The following TAX1BP1 variants were observed in gnomAD, a reference collection of about 807,000 sequenced individuals.
TAX1BP1 encodes Tax1 binding protein 1, also known as tax1-binding protein 1.
Under a neutral mutation model 97.7 loss-of-function variants are expected in TAX1BP1, and 62 were observed. The observed-to-expected ratio is 0.63, with a 90% confidence interval of 0.52 to 0.78. The LOEUF (loss-of-function observed/expected upper bound fraction) is 0.78. TAX1BP1 is among the 30% of genes least tolerant of loss of function. The probability of loss-of-function intolerance (pLI) is 0.00; values close to 1 mark genes in which losing one functional copy is unlikely to be tolerated. For missense variants in TAX1BP1, 867 were observed against 916.1 expected, an observed-to-expected ratio of 0.95 and a Z score of 0.69; for synonymous variants, 340 against 304.2, an observed-to-expected ratio of 1.12 and a Z score of -1.23.
intron 1 of TAX1BP1, among the ~76,000 whole-genome samples, chr7:27,742,139 C>CT (rs1787637966): frequency 6.6e-6 from 1 of 152,196 alleles, no homozygotes; most frequent in Admixed American, 6.5e-5. Flanking sequence ...ATGCCTTCCT[C>CT]TTGTCTCAAC....
intron 2 of TAX1BP1, among the ~76,000 whole-genome samples, chr7:27,751,549 T>A (rs1316630351): frequency 6.6e-6 from 1 of 152,186 alleles, no homozygotes; most frequent in Non-Finnish European, 1.5e-5. Context: ...TAAAGATCTC[T>A]ACCTATCTTT....
intron 12 of TAX1BP1, among the ~76,000 whole-genome samples, chr7:27,797,753 C>T (rs756903146): frequency 3.3e-4 from 49 of 150,474 alleles, no homozygotes; most frequent in Non-Finnish European, 5.2e-4. Flanking sequence ...AAAGATGAAA[C>T]AATTCTGGAT....
intron 2 of TAX1BP1, among the ~76,000 whole-genome samples, chr7:27,755,950 G>T (rs1788195200): frequency 6.6e-6 from 1 of 152,112 alleles, no homozygotes; most frequent in Non-Finnish European, 1.5e-5. Context: ...TTAACTTTAA[G>T]TGTAATAATT....
chr7:27,774,600 A>G (rs1331760370), intron 5 of TAX1BP1, among the ~76,000 whole-genome samples: 1 of 152,072 alleles, frequency 6.6e-6, no homozygotes, highest in Non-Finnish European at 1.5e-5. Flanking sequence ...TTTATTTGGA[A>G]TATGGGATTT....
At chr7:27,757,765 A>T (rs1034211577) in intron 2 of TAX1BP1, among the ~76,000 whole-genome samples, 1 of 152,040 alleles carries the variant, frequency 6.6e-6, no homozygotes, top group Non-Finnish European at 1.5e-5. Context: ...GATCATATGG[A>T]TAGTTAGATT....
At chr7:27,797,844 CTT>C (rs67838846) in intron 12 of TAX1BP1, among the ~76,000 whole-genome samples, 27 of 135,246 alleles carry the variant, frequency 2.0e-4, no homozygotes, top group Admixed American at 2.2e-4. Flanking sequence ...CCTCAGGGTG[CTT>C]TTTTTTTTTT....
At position 27,829,411 on chromosome 7, in the gene TAX1BP1, A is replaced by ATACTT. The variant is rs1460738073; in HGVS notation, c.*584_*588dup. On this transcript the variant is annotated 3_prime_UTR_variant, in exon 17 of 17. Transcript: ENST00000396319. Reference sequence around the variant, plus strand: ...TTGGTTTTAGCAATTAACAGAAGGCATACTTTGCTAATTTTATGGCAAAAT... The same window carrying ATACTT: ...TTGGTTTTAGCAATTAACAGAAGGCATACTTTACTTTGCTAATTTTATGGCAAAAT... The ATACTT allele has an allele frequency of 1.3e-5, 2 of 152,238 alleles. No individual in the cohort carries two copies. Among genetic ancestry groups the ATACTT allele is most frequent in the African/African-American group, 4.8e-5 (2 of 41,484 alleles). 9.4% of individuals were successfully genotyped at this position (152,238 alleles called of 1,614,324 possible).
chr7:27,814,619 C>CT (rs1562741300), intron 13 of TAX1BP1, among the ~76,000 whole-genome samples: 1 of 152,054 alleles, frequency 6.6e-6, no homozygotes, highest in East Asian at 1.9e-4. Flanking sequence ...TGATTTTACT[C>CT]TAAGTAGAAT....
chr7:27,747,889 A>C (rs781403597), intron 1 of TAX1BP1, among the ~76,000 whole-genome samples: 1 of 151,786 alleles, frequency 6.6e-6, no homozygotes, highest in East Asian at 1.9e-4. Flanking sequence ...AAAGGCCCCT[A>C]ATGATTCTAA....
chr7:27,819,227 G>C (rs970942132), intron 15 of TAX1BP1, among the ~76,000 whole-genome samples: 1 of 151,402 alleles, frequency 6.6e-6, no homozygotes, highest in Non-Finnish European at 1.5e-5. Context: ...CTTGCTGACC[G>C]TTAAGTATTT....
intron 8 of TAX1BP1, 80 bp downstream of exon 8, chr7:27,787,683 TC>T (rs1332465998): frequency 1.6e-5 from 20 of 1,278,808 alleles, no homozygotes; most frequent in Non-Finnish European, 1.8e-5. Flanking sequence ...CATTTTTAAT[TC>T]CCCCAAGCTT....
chr7:27,754,474 A>G (rs1788136223), intron 2 of TAX1BP1, among the ~76,000 whole-genome samples: 1 of 151,042 alleles, frequency 6.6e-6, no homozygotes, highest in Admixed American at 6.6e-5. Context: ...GTATATCCCT[A>G]CCTAATTAAT....
rs538240272 is a variant in TAX1BP1 at position 27,740,793 on chromosome 7, G to T, written c.-8+524G>T. On this transcript the variant is annotated intron_variant, in intron 1 of 16. Transcript: ENST00000396319. ...TTGGTTTGAGTCGCCGGTGGCGAAG[G>T]GGGCGGAGACTCCCTGCGCCGCCTA... is the stretch of plus-strand genomic sequence containing the variant. Among the ~76,000 whole-genome samples, 846 of 152,320 alleles carry T rather than the reference G, an allele frequency of 5.6e-3. 10 individuals are homozygous for T. Among genetic ancestry groups the T allele is most frequent in the African/African-American group, 0.019 (794 of 41,576 alleles).
rs1782603888 is a variant in TAX1BP1, at chr7:27,829,227, T to G, written c.*398T>G. On this transcript the variant is annotated 3_prime_UTR_variant, in exon 17 of 17. Coordinates refer to ENST00000396319, the MANE Select transcript of TAX1BP1 (RefSeq NM_006024.7). The stretch of plus-strand genomic sequence containing the variant: ...GACCTTGTTGATTGAGCATGACTAC[T>G]AAATATTATGTAATAAAAAGCATTT... The G allele has an allele frequency of 6.4e-6, 1 of 156,854 alleles. No homozygotes were observed. Among genetic ancestry groups the G allele is most frequent in the Non-Finnish European group, 1.4e-5 (1 of 71,358 alleles). 9.7% of individuals were successfully genotyped at this position (156,854 alleles called of 1,614,324 possible).
intron 12 of TAX1BP1, among the ~76,000 whole-genome samples, chr7:27,798,293 A>G (rs1790009482): frequency 6.6e-6 from 1 of 151,982 alleles, no homozygotes; most frequent in Non-Finnish European, 1.5e-5. Flanking sequence ...GTTTATGGAC[A>G]TATGTTTTTT....
chr7:27,808,778 T>G (rs1230765109), intron 13 of TAX1BP1, among the ~76,000 whole-genome samples: 1 of 152,212 alleles, frequency 6.6e-6, no homozygotes, highest in Non-Finnish European at 1.5e-5. Context: ...AGATGACTAC[T>G]TCTGACAAAA....
chr7:27,806,728 T>TA (rs1285634446), intron 13 of TAX1BP1, among the ~76,000 whole-genome samples: 1 of 152,172 alleles, frequency 6.6e-6, no homozygotes, highest in East Asian at 1.9e-4. Flanking sequence ...TTTTTCTAGC[T>TA]TTTCTCTTGA....
At chr7:27,762,413 A>AT (rs1186219251) in intron 3 of TAX1BP1, among the ~76,000 whole-genome samples, 3 of 151,920 alleles carry the variant, frequency 2.0e-5, no homozygotes, top group African/African-American at 7.3e-5. Flanking sequence ...AGGTTAACTT[A>AT]TTTTTTAAGT....
intron 5 of TAX1BP1, among the ~76,000 whole-genome samples, chr7:27,770,915 G>A (rs78817544): frequency 1.2e-3 from 189 of 151,988 alleles, no homozygotes; most frequent in African/African-American, 4.4e-3. Flanking sequence ...AAATATGCAA[G>A]TATTTCCCAG....
Sources: gnomAD v4.1 joint callset for allele counts (sites outside exome capture counted in the v4.1 genomes callset) on GRCh38, gnomAD v4.1.1 for gene constraint, MANE v1.5 for transcripts, NCBI Gene and HGNC (gene_info 2026-07-23, HGNC 2026-07-21) for gene names.